The following ZBTB7C variants were observed in gnomAD, a reference collection of about 807,000 sequenced individuals.
ZBTB7C encodes zinc finger and BTB domain containing 7C.
Under a neutral mutation model 25.7 loss-of-function variants are expected in ZBTB7C, and 8 were observed. The ratio of observed to expected loss-of-function variants is 0.31; its 90% confidence interval spans 0.18 to 0.56. ZBTB7C has a LOEUF of 0.56. ZBTB7C is among the 20% of genes least tolerant of loss of function. ZBTB7C has a pLI of 0.91. For synonymous variants in ZBTB7C, 394 were observed against 369.0 expected (o/e 1.07, Z -0.78); for missense variants, 824 against 855.2 (o/e 0.96, Z 0.46).
chr18:48,292,724 C>T (rs1017252781), intron 2 of ZBTB7C, among the ~76,000 whole-genome samples: 3 of 152,200 alleles, frequency 2.0e-5, no homozygotes, highest in Non-Finnish European at 2.9e-5. Flanking sequence ...CAAAGCCATT[C>T]CTCAATACCT....
At chr18:48,116,064 A>G (rs2039428480) in intron 3 of ZBTB7C, among the ~76,000 whole-genome samples, 2 of 151,978 alleles carry the variant, frequency 1.3e-5, no homozygotes, top group Admixed American at 1.3e-4. Context: ...GCATGTATCA[A>G]GTGCTGCATT....
At chr18:48,168,027 G>A (rs544091134) in intron 3 of ZBTB7C, among the ~76,000 whole-genome samples, 2 of 152,206 alleles carry the variant, frequency 1.3e-5, no homozygotes, top group African/African-American at 4.8e-5. Context: ...AAGTCCGCAT[G>A]CTTTGATTTG....
At chr18:48,155,490 G>T (rs1378381787) in intron 3 of ZBTB7C, among the ~76,000 whole-genome samples, 3 of 149,824 alleles carry the variant, frequency 2.0e-5, no homozygotes, top group Non-Finnish European at 3.0e-5. Context: ...ACTACACCCG[G>T]CTAATTTTTT....
At chr18:48,394,488 T>C (rs2047974606) in intron 1 of ZBTB7C, among the ~76,000 whole-genome samples, 1 of 152,200 alleles carries the variant, frequency 6.6e-6, no homozygotes, top group African/African-American at 2.4e-5. Context: ...GTTCATTCAT[T>C]TTGATAAATC....
chr18:48,405,133 C>T (rs2048249637), intron 1 of ZBTB7C, among the ~76,000 whole-genome samples: 1 of 149,900 alleles, frequency 6.7e-6, no homozygotes, highest in African/African-American at 2.4e-5. Flanking sequence ...CCTCCACCAA[C>T]CCAGGGAAAA....
chr18:48,303,095 G>A (rs2045584167), intron 2 of ZBTB7C, among the ~76,000 whole-genome samples: 1 of 152,188 alleles, frequency 6.6e-6, no homozygotes. Context: ...CATGCAAGAA[G>A]ACCAATTTGC....
intron 2 of ZBTB7C, among the ~76,000 whole-genome samples, chr18:48,310,766 T>C (rs1454739419): frequency 1.3e-5 from 2 of 151,932 alleles, no homozygotes; most frequent in Non-Finnish European, 2.9e-5. Context: ...CTCTGGGGAG[T>C]CTGAGATGGG....
chr18:48,096,957 C>A (rs1322801458), intron 3 of ZBTB7C, among the ~76,000 whole-genome samples: 1 of 152,240 alleles, frequency 6.6e-6, no homozygotes, highest in Admixed American at 6.5e-5. Context: ...ACCACTATTG[C>A]TACTGCTATT....
intron 2 of ZBTB7C, among the ~76,000 whole-genome samples, chr18:48,311,221 C>A (rs2045810490): frequency 6.6e-6 from 1 of 152,198 alleles, no homozygotes; most frequent in African/African-American, 2.4e-5. Context: ...CTTTCTCACC[C>A]CCTGCCTGCC....
intron 3 of ZBTB7C, among the ~76,000 whole-genome samples, chr18:48,110,410 AG>A (rs1300947761): frequency 6.6e-6 from 1 of 152,160 alleles, no homozygotes; most frequent in Non-Finnish European, 1.5e-5. Flanking sequence ...CATTCTTAAG[AG>A]GCATGATCTT....
chr18:48,312,010 G>A (rs2045832397), intron 2 of ZBTB7C, among the ~76,000 whole-genome samples: 1 of 152,138 alleles, frequency 6.6e-6, no homozygotes, highest in Non-Finnish European at 1.5e-5. Context: ...ATCTCTCAGG[G>A]ACAGAAGGAG....
At chr18:48,323,112 A>C (rs2046136844) in intron 2 of ZBTB7C, among the ~76,000 whole-genome samples, 1 of 152,224 alleles carries the variant, frequency 6.6e-6, no homozygotes. Flanking sequence ...GCTCGAGTGC[A>C]CCAACATCTC....
chr18:48,141,152 C>CT (rs931375458), intron 3 of ZBTB7C, among the ~76,000 whole-genome samples: 2 of 145,612 alleles, frequency 1.4e-5, no homozygotes, highest in Non-Finnish European at 3.0e-5. Context: ...CACCACCCCC[C>CT]CCACTGTTCC....
In ZBTB7C at chr18:48,145,964, G is replaced by C. The variant is rs1026991448; in HGVS notation, c.-17+39970C>G. On this transcript the variant is annotated intron_variant, in intron 3 of 4. Coordinates refer to ENST00000590800, the MANE Select transcript of ZBTB7C (RefSeq NM_001318841.2). ...AAGTAAGAATAATTTAATATTGCTGGTTTAATAAAACCAGCTATATCTTTT... is the reference window on the plus strand; with the variant it reads ...AAGTAAGAATAATTTAATATTGCTGCTTTAATAAAACCAGCTATATCTTTT... Among the ~76,000 whole-genome samples, 14 of 152,214 alleles carry C rather than the reference G, an allele frequency of 9.2e-5. 1 individual carries two copies. Among genetic ancestry groups the C allele is most frequent in the Admixed American group, 7.2e-4 (11 of 15,304 alleles).
intron 2 of ZBTB7C, among the ~76,000 whole-genome samples, chr18:48,214,029 C>G (rs1234050566): frequency 6.6e-6 from 1 of 152,198 alleles, no homozygotes; most frequent in Non-Finnish European, 1.5e-5. Flanking sequence ...TGTGCAGGCA[C>G]CACTTAGAGG....
At chr18:48,341,322 G>A (rs1244221417) in intron 1 of ZBTB7C, among the ~76,000 whole-genome samples, 1 of 152,230 alleles carries the variant, frequency 6.6e-6, no homozygotes, top group Non-Finnish European at 1.5e-5. Context: ...TGAGGATGTA[G>A]CCCTGGCTCG....
intron 2 of ZBTB7C, among the ~76,000 whole-genome samples, chr18:48,286,784 G>C (rs2045067775): frequency 6.6e-6 from 1 of 152,150 alleles, no homozygotes; most frequent in Non-Finnish European, 1.5e-5. Context: ...AGGCACGGTG[G>C]CTCATGCCTG....
At chr18:48,065,449 C>T (rs184740319) in intron 3 of ZBTB7C, among the ~76,000 whole-genome samples, 45 of 152,146 alleles carry the variant, frequency 3.0e-4, no homozygotes, top group African/African-American at 8.2e-4. Flanking sequence ...TCTGCTTTGC[C>T]TAACGCCTTT....
In ZBTB7C at chr18:48,145,434, C is replaced by T. The variant is rs1598966408; in HGVS notation, c.-17+40500G>A. Among the ~76,000 whole-genome samples the T allele has an allele frequency of 2.6e-5, 4 of 152,168 alleles. No homozygotes were observed. In the East Asian group the frequency reaches 5.8e-4, roughly 22 times the overall value. ...CCCTACAGTAATTTGAACTTTAGAC[C>T]CCTGCCCTGATTGCGGGTCTCAAGG... On this transcript the variant is annotated intron_variant, in intron 3 of 4. Transcript: ENST00000590800.
Sources: allele counts gnomAD v4.1 joint callset (sites outside exome capture counted in the v4.1 genomes callset), GRCh38; gene constraint gnomAD v4.1.1; transcripts MANE v1.5; gene names NCBI Gene and HGNC (gene_info 2026-07-23, HGNC 2026-07-21).